UTRN: variants seen among roughly 807,000 people sequenced by gnomAD.
UTRN encodes dystrophin-related protein 1.
Under a neutral mutation model 463.9 loss-of-function variants are expected in UTRN, and 283 were observed. That is an observed-to-expected ratio of 0.61 (90% CI 0.55 to 0.67). The LOEUF (loss-of-function observed/expected upper bound fraction) is 0.67. Ranked by LOEUF, UTRN falls within the 30% of genes least tolerant of loss-of-function variation. The probability of loss-of-function intolerance (pLI) is 0.00; values close to 1 mark genes in which losing one functional copy is unlikely to be tolerated. For missense variants in UTRN, 3,922 were observed against 4,084.3 expected, an observed-to-expected ratio of 0.96 and a Z score of 1.08; for synonymous variants, 1,442 against 1,431.5, an observed-to-expected ratio of 1.01 and a Z score of -0.17.
intron 3 of UTRN, among the ~76,000 whole-genome samples, chr6:144,409,529 A>G (rs1040870984): frequency 6.6e-6 from 1 of 151,948 alleles, no homozygotes; most frequent in East Asian, 1.9e-4. Flanking sequence ...CACCATCTCT[A>G]GCTTCAGAGA....
chr6:144,537,936 A>G lies in UTRN; in HGVS notation c.6369+219A>G, dbSNP rs538258368. 3.9e-5 allele frequency among the ~76,000 whole-genome samples: 6 copies of G among 152,340 alleles called. No individual in the cohort carries two copies. In the South Asian group the frequency reaches 1.2e-3, roughly 32 times the overall value. On this transcript the variant is annotated intron_variant, in intron 44 of 74. Coordinates refer to ENST00000367545, the MANE Select transcript of UTRN (RefSeq NM_007124.3). ...ACTTATGTAAAAAGAACAAACTATT[A>G]TGGTGTCAGTATTAGACCAAAGGTT...
At position 144,758,252 on chromosome 6, in the gene UTRN, A is replaced by C. The variant is rs528808930; in HGVS notation, c.8495+263A>C. The stretch of plus-strand genomic sequence containing the variant: ...ATTTGGAGACAGACAATAAGCTATG[A>C]TGGCCATACTGTATTCCAGCCTGGA... On this transcript the variant is annotated intron_variant, in intron 58 of 74. Transcript: ENST00000367545. 35 of 266,086 alleles carry C rather than the reference A, an allele frequency of 1.3e-4. No individual in the cohort carries two copies. In the South Asian group the frequency reaches 3.4e-3, roughly 26 times the overall value. The allele number at this position is 266,086 out of a possible 1,614,324, so 16.5% of individuals were successfully genotyped here. A position where few individuals can be genotyped will look rare whatever the true frequency, so the allele number is the denominator to read the frequency against.
intron 2 of UTRN, among the ~76,000 whole-genome samples, chr6:144,370,213 C>T (rs920100284): frequency 6.6e-6 from 1 of 152,168 alleles, no homozygotes; most frequent in Non-Finnish European, 1.5e-5. Flanking sequence ...CACGGCAGCC[C>T]CTCCCATCCC....
At chr6:144,826,982 A>G (rs1164041803) in intron 66 of UTRN, among the ~76,000 whole-genome samples, 1 of 152,224 alleles carries the variant, frequency 6.6e-6, no homozygotes, top group Non-Finnish European at 1.5e-5. Context: ...GGAAAAACAA[A>G]AATATGATTG....
At chr6:144,557,678 A>G (rs1179245104) in intron 50 of UTRN, among the ~76,000 whole-genome samples, 3 of 152,048 alleles carry the variant, frequency 2.0e-5, no homozygotes, top group Non-Finnish European at 2.9e-5. Context: ...GGTATCCCTA[A>G]AGGTAATTGG....
chr6:144,745,021 G>A (rs770418100), intron 54 of UTRN, among the ~76,000 whole-genome samples: 3 of 152,134 alleles, frequency 2.0e-5, no homozygotes, highest in Non-Finnish European at 4.4e-5. Flanking sequence ...ACCTTACGCT[G>A]ACCAGGGAAA....
rs1464606680 is a variant in UTRN, at chr6:144,784,352, T to C, written c.8834+2229T>C. Among the ~76,000 whole-genome samples the C allele has an allele frequency of 3.9e-5, 6 of 152,092 alleles. No individual in the cohort carries two copies. In the South Asian group the frequency reaches 1.2e-3, roughly 32 times the overall value. On this transcript the variant is annotated intron_variant, in intron 61 of 74. Coordinates refer to ENST00000367545, the MANE Select transcript of UTRN (RefSeq NM_007124.3). ...ACACTGAGAGTGTGAGATGAAGGTG[T>C]CGGCTGGGTTGAGTCTTTATGGAAG...
chr6:144,566,302 G>A (rs924999698), intron 50 of UTRN, among the ~76,000 whole-genome samples: 3 of 152,136 alleles, frequency 2.0e-5, no homozygotes, highest in African/African-American at 7.2e-5. Context: ...TGAGTGGGAT[G>A]GAGAGTTTCC....
At chr6:144,321,154 T>A (rs2114582539) in intron 2 of UTRN, among the ~76,000 whole-genome samples, 1 of 152,296 alleles carries the variant, frequency 6.6e-6, no homozygotes, top group Non-Finnish European at 1.5e-5. Flanking sequence ...GAAGAGTAGC[T>A]TAATGGTTTT....
intron 50 of UTRN, among the ~76,000 whole-genome samples, chr6:144,566,326 T>C (rs779202577): frequency 2.0e-5 from 3 of 152,102 alleles, no homozygotes; most frequent in Non-Finnish European, 2.9e-5. Context: ...GGTAAATATA[T>C]GGTATTGCTG....
chr6:144,772,918 AT>A, intron 59 of UTRN, among the ~76,000 whole-genome samples: 1 of 150,964 alleles, frequency 6.6e-6, no homozygotes, highest in Non-Finnish European at 1.5e-5. Flanking sequence ...TCCCTCTCCC[AT>A]TTCAATAAAA....
chr6:144,700,853 C>T (rs1784518062), intron 53 of UTRN, among the ~76,000 whole-genome samples: 1 of 151,706 alleles, frequency 6.6e-6, no homozygotes, highest in Non-Finnish European at 1.5e-5. Context: ...CCTGCCTCAG[C>T]CTCCCAAGTA....
At chr6:144,350,213 T>A (rs1251431797) in intron 2 of UTRN, among the ~76,000 whole-genome samples, 3 of 152,030 alleles carry the variant, frequency 2.0e-5, no homozygotes, top group Non-Finnish European at 4.4e-5. Context: ...AGTAATATAG[T>A]TCAAATGTCC....
chr6:144,422,613 G>A (rs145089101), intron 4 of UTRN, among the ~76,000 whole-genome samples: 17 of 148,444 alleles, frequency 1.1e-4, no homozygotes, highest in Middle Eastern at 3.5e-3. Flanking sequence ...GTGAGACTCC[G>A]TCTCAAAAAA....
chr6:144,773,179 T>G (rs1794275242), intron 59 of UTRN, among the ~76,000 whole-genome samples: 1 of 152,168 alleles, frequency 6.6e-6, no homozygotes. Flanking sequence ...GAGTTGAGTA[T>G]TGGTTGTAGG....
At chr6:144,420,925 A>G (rs1328699402) in intron 3 of UTRN, among the ~76,000 whole-genome samples, 4 of 152,208 alleles carry the variant, frequency 2.6e-5, no homozygotes, top group African/African-American at 7.2e-5. Flanking sequence ...AACATATGCC[A>G]TACTCAAGGC....
At chr6:144,797,766 T>C in intron 63 of UTRN, 58 bp from the exon 64 acceptor site, 1 of 1,552,044 alleles carries the variant, frequency 6.4e-7, no homozygotes, top group Non-Finnish European at 8.8e-7. Context: ...GCAACAACAC[T>C]AGCTACAGTT....
At chr6:144,632,759 TTGCCTAGGCTGGAG>T (rs766084033) in intron 51 of UTRN, among the ~76,000 whole-genome samples, 152 of 152,136 alleles carry the variant, frequency 1.0e-3, no homozygotes, top group Non-Finnish European at 1.7e-3. Flanking sequence ...TTTGCTCTTG[TTGCCTAGGCTGGAG>T]TGCAATGGCA....
At chr6:144,715,999 T>C (rs1263013718) in intron 53 of UTRN, among the ~76,000 whole-genome samples, 1 of 152,186 alleles carries the variant, frequency 6.6e-6, no homozygotes, top group Non-Finnish European at 1.5e-5. Context: ...AATAGAAGTG[T>C]AAGCAATAAT....
Sources: gnomAD v4.1 joint callset for allele counts (sites outside exome capture counted in the v4.1 genomes callset) on GRCh38, gnomAD v4.1.1 for gene constraint, MANE v1.5 for transcripts, NCBI Gene and HGNC (gene_info 2026-07-23, HGNC 2026-07-21) for gene names.